The following KCNIP4 variants were observed in gnomAD, a reference collection of about 807,000 sequenced individuals.
The protein encoded by KCNIP4 is potassium voltage-gated channel interacting protein 4.
KCNIP4 carries 12 observed loss-of-function variants against 34.0 expected under a neutral mutation model. That is an observed-to-expected ratio of 0.35 (90% CI 0.23 to 0.57). KCNIP4 has a LOEUF of 0.57. Ranked by LOEUF, KCNIP4 falls within the 20% of genes least tolerant of loss-of-function variation. KCNIP4 has a pLI of 0.83. For missense variants in KCNIP4, 238 were observed against 311.7 expected (o/e 0.76, Z 1.78); for synonymous variants, 124 against 102.2 (o/e 1.21, Z -1.29).
chr4:20,866,307 C>T (rs1722871141), intron 2 of KCNIP4, among the ~76,000 whole-genome samples: 1 of 152,016 alleles, frequency 6.6e-6, no homozygotes, highest in Non-Finnish European at 1.5e-5. Flanking sequence ...AGTTAATACG[C>T]CACAATTAAG....
chr4:21,104,291 T>C (rs558057265), intron 1 of KCNIP4, among the ~76,000 whole-genome samples: 1 of 152,124 alleles, frequency 6.6e-6, no homozygotes, highest in Non-Finnish European at 1.5e-5. Flanking sequence ...CCATTCTAAC[T>C]GGTGTGAGAT....
chr4:21,018,031 C>T (rs2149743050), intron 1 of KCNIP4, among the ~76,000 whole-genome samples: 1 of 152,220 alleles, frequency 6.6e-6, no homozygotes, highest in Non-Finnish European at 1.5e-5. Context: ...CACGGATGTA[C>T]CACCTAATGT....
chr4:20,921,708 GAAT>G (rs1257210769), intron 1 of KCNIP4, among the ~76,000 whole-genome samples: 1 of 152,158 alleles, frequency 6.6e-6, no homozygotes, highest in African/African-American at 2.4e-5. Flanking sequence ...CAATGCTAAT[GAAT>G]AATATCCTTT....
In KCNIP4 at chr4:21,700,557, TTG is replaced by T. The variant is rs200074435; in HGVS notation, c.61+248012_61+248013del. Among the ~76,000 whole-genome samples the T allele has an allele frequency of 7.0e-3, 910 of 129,952 alleles. 4 individuals carry two copies. Among genetic ancestry groups the T allele is most frequent in the African/African-American group, 0.038 (872 of 22,950 alleles). 85.3% of individuals were successfully genotyped at this position (129,952 alleles called of 152,430 possible). On this transcript the variant is annotated intron_variant, in intron 1 of 8. Transcript: ENST00000382152. ...GGGTTATCTTTTCACTGTGTTTTTGTTGTTTTTTTTTGTTTGTTTTTTGCTGT... is the reference window on the plus strand; with the variant it reads ...GGGTTATCTTTTCACTGTGTTTTTGTTTTTTTTTTGTTTGTTTTTTGCTGT...
chr4:21,073,751 C>T (rs1309813616), intron 1 of KCNIP4, among the ~76,000 whole-genome samples: 1 of 152,116 alleles, frequency 6.6e-6, no homozygotes, highest in Non-Finnish European at 1.5e-5. Flanking sequence ...TTTGTCCATT[C>T]AGTATGATAT....
intron 1 of KCNIP4, among the ~76,000 whole-genome samples, chr4:21,404,173 C>T (rs1456916409): frequency 6.6e-6 from 1 of 152,218 alleles, no homozygotes; most frequent in East Asian, 1.9e-4. Flanking sequence ...CTCCAAATAA[C>T]TCAGATATCA....
chr4:21,868,104 T>G (rs1363700130), intron 1 of KCNIP4, among the ~76,000 whole-genome samples: 1 of 152,200 alleles, frequency 6.6e-6, no homozygotes, highest in African/African-American at 2.4e-5. Context: ...AATTAATCTT[T>G]TCAGTCTCTG....
At chr4:21,213,182 CA>C (rs1400897209) in intron 1 of KCNIP4, among the ~76,000 whole-genome samples, 1 of 152,116 alleles carries the variant, frequency 6.6e-6, no homozygotes, top group African/African-American at 2.4e-5. Context: ...GCACATGAGG[CA>C]AAGTTGGGGG....
intron 1 of KCNIP4, among the ~76,000 whole-genome samples, chr4:21,242,735 C>G (rs1759929657): frequency 6.6e-6 from 1 of 152,096 alleles, no homozygotes; most frequent in Non-Finnish European, 1.5e-5. Context: ...GTTCTCAGAC[C>G]TTTGGACTTG....
intron 2 of KCNIP4, among the ~76,000 whole-genome samples, chr4:20,863,782 C>T (rs1166660407): frequency 6.6e-6 from 1 of 152,002 alleles, no homozygotes; most frequent in Non-Finnish European, 1.5e-5. Flanking sequence ...ACAAAATAAT[C>T]TGTACAACAA....
chr4:21,065,485 TA>T (rs1386615983), intron 1 of KCNIP4, among the ~76,000 whole-genome samples: 1 of 151,982 alleles, frequency 6.6e-6, no homozygotes, highest in Non-Finnish European at 1.5e-5. Context: ...TCTCAAATAC[TA>T]AAAAAATCAT....
chr4:21,618,115 A>G (rs1451116878), intron 1 of KCNIP4, among the ~76,000 whole-genome samples: 1 of 152,194 alleles, frequency 6.6e-6, no homozygotes, highest in East Asian at 1.9e-4. Context: ...AGACTTTAAT[A>G]GGAATATATT....
chr4:21,066,166 A>T (rs1333918332), intron 1 of KCNIP4, among the ~76,000 whole-genome samples: 1 of 152,082 alleles, frequency 6.6e-6, no homozygotes, highest in Non-Finnish European at 1.5e-5. Flanking sequence ...ATTTTACAGT[A>T]TTCTTCTTAT....
intron 2 of KCNIP4, among the ~76,000 whole-genome samples, chr4:20,861,460 A>T (rs2149495052): frequency 6.6e-6 from 1 of 152,300 alleles, no homozygotes; most frequent in African/African-American, 2.4e-5. Context: ...AGGCCTTCCC[A>T]GACCAACCCG....
chr4:21,921,698 C>A (rs1483581473), intron 1 of KCNIP4, among the ~76,000 whole-genome samples: 1 of 152,134 alleles, frequency 6.6e-6, no homozygotes, highest in Non-Finnish European at 1.5e-5. Context: ...CTTACTCTAC[C>A]TGCACAATAC....
At chr4:21,076,396 T>C (rs1362711517) in intron 1 of KCNIP4, among the ~76,000 whole-genome samples, 1 of 152,126 alleles carries the variant, frequency 6.6e-6, no homozygotes, top group Admixed American at 6.6e-5. Flanking sequence ...TGCCACAAAA[T>C]TAGGCATTTA....
At chr4:21,260,488 T>C (rs569381284) in intron 1 of KCNIP4, among the ~76,000 whole-genome samples, 12 of 152,140 alleles carry the variant, frequency 7.9e-5, no homozygotes, top group Non-Finnish European at 1.5e-4. Context: ...GGAAAACACT[T>C]GGATGTAGGG....
intron 1 of KCNIP4, among the ~76,000 whole-genome samples, chr4:21,013,880 C>T (rs970860868): frequency 4.0e-4 from 61 of 152,232 alleles, no homozygotes; most frequent in African/African-American, 1.3e-3. Context: ...GGAGTGAAAT[C>T]GGTAATTCTT....
At chr4:21,494,570 C>T (rs1732685617) in intron 1 of KCNIP4, among the ~76,000 whole-genome samples, 1 of 151,838 alleles carries the variant, frequency 6.6e-6, no homozygotes, top group African/African-American at 2.4e-5. Flanking sequence ...GTCAGGAGTT[C>T]GAGACCAGCT....
Sources: gnomAD v4.1 joint callset for allele counts (sites outside exome capture counted in the v4.1 genomes callset) on GRCh38, gnomAD v4.1.1 for gene constraint, MANE v1.5 for transcripts, NCBI Gene and HGNC (gene_info 2026-07-23, HGNC 2026-07-21) for gene names.